The following PRKN variants were observed in gnomAD, a reference collection of about 807,000 sequenced individuals.
The protein encoded by PRKN is E3 ubiquitin-protein ligase parkin.
PRKN carries 56 observed loss-of-function variants against 59.5 expected under a neutral mutation model. The observed-to-expected ratio is 0.94, with a 90% confidence interval of 0.76 to 1.18. The LOEUF (loss-of-function observed/expected upper bound fraction) is 1.18, where lower values mean the gene tolerates loss of function less well. Among genes scored for constraint, PRKN ranks in the 50% most tolerant of loss-of-function variants. The probability of loss-of-function intolerance (pLI) is 0.00; values close to 1 mark genes in which losing one functional copy is unlikely to be tolerated. For synonymous variants in PRKN, 250 were observed against 222.1 expected (o/e 1.13, Z -1.12); for missense variants, 657 against 596.4 (o/e 1.10, Z -1.06).
chr6:162,634,468 C>T (rs1777633469), intron 1 of PRKN, among the ~76,000 whole-genome samples: 1 of 152,178 alleles, frequency 6.6e-6, no homozygotes, highest in South Asian at 2.1e-4. Flanking sequence ...GCTGTGATCA[C>T]TTCCCACAGT....
intron 7 of PRKN, among the ~76,000 whole-genome samples, chr6:161,659,902 AT>A (rs1402700508): frequency 6.6e-6 from 1 of 152,146 alleles, no homozygotes; most frequent in East Asian, 1.9e-4. Context: ...GAGATGTGTT[AT>A]CTAAATCCCA....
At chr6:162,492,343 C>A (rs1048903279) in intron 1 of PRKN, among the ~76,000 whole-genome samples, 2 of 152,206 alleles carry the variant, frequency 1.3e-5, no homozygotes, top group Non-Finnish European at 2.9e-5. Context: ...AGCTTCCAAC[C>A]ATTCAATGCA....
rs1785873622 is a variant in PRKN at position 161,379,447 on chromosome 6, C to T, written c.1167+7347G>A. 6.6e-6 allele frequency among the ~76,000 whole-genome samples: 1 copy of T among 152,214 alleles called. No homozygotes were observed. Among genetic ancestry groups the T allele is most frequent in the South Asian group, 2.1e-4 (1 of 4,828 alleles). On this transcript the variant is annotated intron_variant, in intron 10 of 11. Coordinates refer to ENST00000366898, the MANE Select transcript of PRKN (RefSeq NM_004562.3). This position sits in a 1 kb window ranked among gnomAD's most constrained non-coding sequence, Gnocchi z 4.9. ...CATTTCTCCAGTCTCTCTCATTCCACAAGCAAATGTCTCCAGGCAGTGCAA... is the reference window on the plus strand; with the variant it reads ...CATTTCTCCAGTCTCTCTCATTCCATAAGCAAATGTCTCCAGGCAGTGCAA...
At chr6:162,020,331 TC>T (rs1233193825) in intron 5 of PRKN, among the ~76,000 whole-genome samples, 8 of 1,830 alleles carry the variant, frequency 4.4e-3, no homozygotes, top group East Asian at 0.043. Context: ...GACCAATGAA[TC>T]AAAAAAAAAA....
intron 7 of PRKN, among the ~76,000 whole-genome samples, chr6:161,594,383 G>C (rs1781839912): frequency 6.6e-6 from 1 of 152,196 alleles, no homozygotes; most frequent in Non-Finnish European, 1.5e-5. Context: ...AAGAGGCTGT[G>C]GGCAAGATGG....
intron 6 of PRKN, among the ~76,000 whole-genome samples, chr6:161,812,112 C>A (rs1791589204): frequency 6.6e-6 from 1 of 152,046 alleles, no homozygotes; most frequent in Non-Finnish European, 1.5e-5. Flanking sequence ...TGAAGCCAGG[C>A]ATGGTAGTTC....
intron 6 of PRKN, among the ~76,000 whole-genome samples, chr6:161,814,624 T>C (rs1039478289): frequency 2.6e-5 from 4 of 152,140 alleles, no homozygotes; most frequent in African/African-American, 9.7e-5. Context: ...TGCCTCAGCC[T>C]CCCAAGTAGC....
In PRKN at chr6:161,546,028, C is replaced by T. The variant is rs149760071; in HGVS notation, c.1083+2826G>A. On this transcript the variant is annotated intron_variant, in intron 9 of 11. Transcript: ENST00000366898. This position sits in a 1 kb window ranked among gnomAD's most constrained non-coding sequence, Gnocchi z 4.4. ...AAGGTCTAGGTGCCCAGTTTCCTGC[C>T]GTAGATCTGACTACATCCTGGATTC... 6.8e-4 allele frequency among the ~76,000 whole-genome samples: 104 copies of T among 152,222 alleles called. 1 individual carries two copies. Among genetic ancestry groups the T allele is most frequent in the South Asian group, 3.7e-3 (18 of 4,818 alleles).
chr6:162,025,854 G>T (rs1365059729), intron 5 of PRKN, among the ~76,000 whole-genome samples: 1 of 151,858 alleles, frequency 6.6e-6, no homozygotes, highest in African/African-American at 2.4e-5. Flanking sequence ...CTCCCAAAGT[G>T]CTGAGATTAC....
At chr6:162,333,827 C>A (rs1213617335) in intron 2 of PRKN, among the ~76,000 whole-genome samples, 2 of 152,152 alleles carry the variant, frequency 1.3e-5, no homozygotes, top group Non-Finnish European at 1.5e-5. Flanking sequence ...AGGCTTTGCA[C>A]CAGGTTGGCT....
At chr6:162,091,362 T>C (rs1369791399) in intron 4 of PRKN, among the ~76,000 whole-genome samples, 2 of 152,194 alleles carry the variant, frequency 1.3e-5, no homozygotes, top group Non-Finnish European at 2.9e-5. Context: ...ATAGAGCTTA[T>C]ACTTCTCCCA....
At chr6:162,604,121 T>C (rs191086245) in intron 1 of PRKN, among the ~76,000 whole-genome samples, 89 of 152,340 alleles carry the variant, frequency 5.8e-4, no homozygotes, top group African/African-American at 1.9e-3. Flanking sequence ...TGCACCTGTC[T>C]GACCACAGCA....
chr6:161,387,833 G>A (rs1209389941), intron 9 of PRKN, among the ~76,000 whole-genome samples: 1 of 152,190 alleles, frequency 6.6e-6, no homozygotes, highest in African/African-American at 2.4e-5. Context: ...GAGGTTGTTA[G>A]GGGAGGCCTT....
chr6:161,874,020 G>T (rs1357866853), intron 6 of PRKN, among the ~76,000 whole-genome samples: 1 of 39,722 alleles, frequency 2.5e-5, no homozygotes, highest in Non-Finnish European at 4.8e-5. Context: ...TATATTATAT[G>T]TAAAATATAT....
intron 2 of PRKN, among the ~76,000 whole-genome samples, chr6:162,366,567 T>C (rs1785447170): frequency 2.0e-5 from 3 of 152,298 alleles, no homozygotes; most frequent in African/African-American, 7.2e-5. Flanking sequence ...GGTGTGTTAA[T>C]AGAAATGTTT....
intron 6 of PRKN, among the ~76,000 whole-genome samples, chr6:161,959,911 G>C (rs1163397261): frequency 6.6e-6 from 1 of 152,170 alleles, no homozygotes; most frequent in Admixed American, 6.5e-5. Context: ...CAATGAAATC[G>C]GTGGTGGGTT....
At chr6:162,380,543 A>G (rs1324388837) in intron 2 of PRKN, among the ~76,000 whole-genome samples, 1 of 146,174 alleles carries the variant, frequency 6.8e-6, no homozygotes, top group African/African-American at 2.5e-5. Flanking sequence ...ACATATATAT[A>G]TGTATCATTA....
rs1785023315 is a variant in PRKN, at chr6:161,362,697, T to C, written c.1168-2492A>G. Among the ~76,000 whole-genome samples, 1 of 152,178 alleles carries C rather than the reference T, an allele frequency of 6.6e-6. No individual in the cohort carries two copies. The highest frequency in any genetic ancestry group is 1.5e-5 in the Non-Finnish European group (1 of 68,036). ...AAAAACCTCAAGTCAAAAATTAATT[T>C]GAAATATTACCAGATTGGCATATAC... On this transcript the variant is annotated intron_variant, in intron 10 of 11. Coordinates refer to ENST00000366898, the MANE Select transcript of PRKN (RefSeq NM_004562.3). This position sits in a 1 kb window ranked among gnomAD's most constrained non-coding sequence, Gnocchi z 5.2.
chr6:161,678,562 T>C lies in PRKN; in HGVS notation c.871+107210A>G, dbSNP rs1035948835. ...CCTTTAAATTCCACTCTTATTTTGG[T>C]GCCTGATTTTTTTTTTTTTTTTTTT... On this transcript the variant is annotated intron_variant, in intron 7 of 11. Transcript: ENST00000366898. Among the ~76,000 whole-genome samples the C allele has an allele frequency of 8.9e-5, 13 of 146,228 alleles. No individual in the cohort carries two copies. The South Asian group carries it at 2.4e-3, about 27-fold the overall frequency.
Sources: allele counts gnomAD v4.1 joint callset (sites outside exome capture counted in the v4.1 genomes callset), GRCh38; gene constraint gnomAD v4.1.1; non-coding constraint Gnocchi (gnomAD v3.1); transcripts MANE v1.5; gene names NCBI Gene and HGNC (gene_info 2026-07-23, HGNC 2026-07-21).